Variants in NR4A1 observed in about 807,000 individuals in gnomAD.
NR4A1 encodes the protein nuclear receptor subfamily 4immunitygroup A member 1.
Under a neutral mutation model 47.5 loss-of-function variants are expected in NR4A1, and 24 were observed. The observed-to-expected ratio is 0.50, with a 90% CI of 0.37 to 0.71. The LOEUF (loss-of-function observed/expected upper bound fraction) is 0.71. NR4A1 is among the 30% of genes least tolerant of loss of function. NR4A1 has a pLI of 0.00. For synonymous variants in NR4A1, 353 were observed against 345.7 expected, an observed-to-expected ratio of 1.02 and a Z score of -0.24; for missense variants, 669 against 788.6, an observed-to-expected ratio of 0.85 and a Z score of 1.82.
At chr12:52,041,861 C>A (rs760325317) in exon 2 of NR4A1, 1 of 1,524,622 alleles carries the variant, frequency 6.6e-7, no homozygotes, top group South Asian at 1.3e-5. Flanking sequence ...CAGCCTGGCT[C>A]CTTCTGCTGG....
intron 2 of NR4A1, chr12:52,043,770 A>G: frequency 7.8e-7 from 1 of 1,277,078 alleles, no homozygotes; most frequent in African/African-American, 1.5e-5. Flanking sequence ...CTGTGAGGAT[A>G]GGCTGGCTGG....
chr12:52,058,524 C>A, intron 6 of NR4A1, 164 bp from the exon 7 acceptor site: 1 of 911,546 alleles, frequency 1.1e-6, no homozygotes, highest in Non-Finnish European at 1.6e-6. Flanking sequence ...GCTTCTCAGA[C>A]TTGTGACGAT....
chr12:52,032,600 G>A (rs891816651), intron 1 of NR4A1, among the ~76,000 whole-genome samples: 6 of 152,248 alleles, frequency 3.9e-5, no homozygotes, highest in Non-Finnish European at 8.8e-5. Flanking sequence ...TCAGCCCGGG[G>A]ACAGGAGCTG....
Position 52,054,320 on chromosome 12 carries a change from T to C in NR4A1, c.-2-7T>C. 6.3e-7 allele frequency: 1 copy of C among 1,594,006 alleles called. No homozygotes were observed. The highest frequency in any genetic ancestry group is 1.1e-5 in the South Asian group (1 of 88,510). On this transcript the variant is annotated splice_polypyrimidine_tract_variant and splice_region_variant and intron_variant, in intron 1 of 6. Coordinates refer to ENST00000394825, the MANE Select transcript of NR4A1 (RefSeq NM_173157.3). The stretch of plus-strand genomic sequence containing the variant: ...CTTTCCCTCCCTGGGGTCTCCTCTC[T>C]CTCCAGAGATGCCCTGTATCCAAGC...
chr12:52,055,171 C>A lies in NR4A1; in HGVS notation c.843C>A (p.Val281=). The change falls in exon 2 of 7, where the codon GTC becomes GTA. Residue 281 remains valine, a synonymous_variant. Coordinates refer to ENST00000394825, the MANE Select transcript of NR4A1 (RefSeq NM_173157.3). Reference sequence around the variant, plus strand: ...ACGCTTCATGCCAGCATTATGGTGTCCGCACATGTGAGGGCTGCAAGGGCT... The same window carrying A: ...ACGCTTCATGCCAGCATTATGGTGTACGCACATGTGAGGGCTGCAAGGGCT... ...GDNASCQHYG[V]RTCEGCKGFF... 1 of 1,613,736 alleles carries A rather than the reference C, an allele frequency of 6.2e-7. No homozygotes were observed. Among genetic ancestry groups the A allele is most frequent in the Non-Finnish European group, 8.5e-7 (1 of 1,180,040 alleles).
At chr12:52,051,173 G>A (rs2120401717), upstream of NR4A1, among the ~76,000 whole-genome samples, 1 of 152,328 alleles carries the variant, frequency 6.6e-6, no homozygotes, top group Middle Eastern at 3.4e-3. Flanking sequence ...CGGGCGCGAG[G>A]AGCCTATTTA....
intron 1 of NR4A1, among the ~76,000 whole-genome samples, chr12:52,026,487 G>A (rs1938002411): frequency 6.6e-6 from 1 of 152,172 alleles, no homozygotes; most frequent in Non-Finnish European, 1.5e-5. Flanking sequence ...CTCTTTAAGT[G>A]CTTTATGCAT....
At chr12:52,041,877 GA>G in exon 2 of NR4A1, 1 of 1,534,110 alleles carries the variant, frequency 6.5e-7, no homozygotes, top group Admixed American at 1.8e-5. Context: ...GCTGGGCCCT[GA>G]AGGCAGACGG....
intron 1 of NR4A1, among the ~76,000 whole-genome samples, chr12:52,025,689 G>T (rs931036366): frequency 6.6e-6 from 1 of 152,150 alleles, no homozygotes; most frequent in African/African-American, 2.4e-5. Context: ...TCCATGAAAG[G>T]CCAGGGCTTT....
At chr12:52,041,885 A>G in exon 2 of NR4A1, 1 of 1,532,764 alleles carries the variant, frequency 6.5e-7, no homozygotes, top group Non-Finnish European at 8.7e-7. Flanking sequence ...CTGAAGGCAG[A>G]CGGGATAATG....
upstream of NR4A1, among the ~76,000 whole-genome samples, chr12:52,047,791 T>C (rs1171494620): frequency 6.6e-6 from 1 of 152,330 alleles, no homozygotes; most frequent in South Asian, 2.1e-4. Context: ...TGTGCCACTT[T>C]TTACAAATGC....
At chr12:52,031,658 A>T (rs1041727315) in intron 1 of NR4A1, among the ~76,000 whole-genome samples, 11 of 152,076 alleles carry the variant, frequency 7.2e-5, no homozygotes, top group African/African-American at 2.7e-4. Flanking sequence ...ACAAACAAAT[A>T]AAAAAGCTAC....
At chr12:52,047,063 C>T (rs1191979281), upstream of NR4A1, among the ~76,000 whole-genome samples, 8 of 152,086 alleles carry the variant, frequency 5.3e-5, no homozygotes, top group South Asian at 2.1e-4. Context: ...TCGTCTCCAT[C>T]GTGACATCTC....
At chr12:52,025,549 G>A (rs576407382) in intron 1 of NR4A1, among the ~76,000 whole-genome samples, 4 of 152,162 alleles carry the variant, frequency 2.6e-5, no homozygotes, top group Non-Finnish European at 4.4e-5. Context: ...GTCTCTGGCC[G>A]TTCCGTATCG....
rs891249348 is a variant in NR4A1 at position 52,051,514 on chromosome 12, G to A, written c.-57G>A. ...CTTCGGGAGCGCACGCGGGACCAGG[G>A]ACCAGGCTGAGACTCGGGGCGCCAG... On this transcript the variant is annotated 5_prime_UTR_variant, in exon 1 of 7. Coordinates refer to ENST00000394825, the MANE Select transcript of NR4A1 (RefSeq NM_173157.3). The A allele has an allele frequency of 1.0e-6, 1 of 985,822 alleles. No individual in the cohort carries two copies. The highest frequency in any genetic ancestry group is 1.2e-6 in the Non-Finnish European group (1 of 830,188). The allele number at this position is 985,822 out of a possible 1,614,324, so 61.1% of individuals were successfully genotyped here.
chr12:52,023,931 C>T (rs1937946333), intron 1 of NR4A1, among the ~76,000 whole-genome samples: 1 of 152,248 alleles, frequency 6.6e-6, no homozygotes, highest in South Asian at 2.1e-4. Flanking sequence ...CTCCTGGACC[C>T]CCCTGGACCT....
At position 52,054,430 on chromosome 12, in the gene NR4A1, C is replaced by G. The variant is rs1374858943; in HGVS notation, c.102C>G (p.Thr34=). 6 of 1,613,860 alleles carry G rather than the reference C, an allele frequency of 3.7e-6. No homozygotes were observed. Among genetic ancestry groups the G allele is most frequent in the Non-Finnish European group, 3.4e-6 (4 of 1,180,010 alleles). ...TGACCCCTGAGTTCATCAAGCCCAC[C>G]ATGGACCTGGCCAGCCCCGAGGCAG... is the stretch of plus-strand genomic sequence containing the variant. ...DPLTPEFIKP[T]MDLASPEAAP... The change falls in exon 2 of 7, where the codon ACC becomes ACG. Residue 34 remains threonine (T), a synonymous_variant. Transcript: ENST00000394825.
At position 52,058,896 on chromosome 12, in the gene NR4A1, C is replaced by T. The variant is rs541626276; in HGVS notation, c.1749C>T (p.Pro583=). 7 of 1,613,896 alleles carry T rather than the reference C, an allele frequency of 4.3e-6. No individual in the cohort carries two copies. The African/African-American group carries it at 5.3e-5, about 12-fold the overall frequency. Residue 583 remains proline, a synonymous_variant, in exon 7 of 7, where the codon CCC becomes CCT. Transcript: ENST00000394825. The stretch of plus-strand genomic sequence containing the variant: ...ACCTCAAGCTGGAGGACTTGGTGCC[C>T]CCTCCACCCATCATTGACAAGATCT... ...IFYLKLEDLV[P]PPPIIDKIFM... is the part of the protein sequence containing the mutation.
chr12:52,025,375 C>T (rs1937981328), intron 1 of NR4A1, among the ~76,000 whole-genome samples: 1 of 152,132 alleles, frequency 6.6e-6, no homozygotes, highest in Admixed American at 6.5e-5. Flanking sequence ...TCGGCACTGC[C>T]CTCAACCACA....
Sources: gnomAD v4.1 joint callset for allele counts (sites outside exome capture counted in the v4.1 genomes callset) on GRCh38, gnomAD v4.1.1 for gene constraint, MANE v1.5 for transcripts, NCBI Gene and HGNC (gene_info 2026-07-23, HGNC 2026-07-21) for gene names.